Variants in CCDC138 observed in about 807,000 individuals in gnomAD.
CCDC138 encodes the protein coiled-coil domain-containing protein 138.
CCDC138 carries 66 observed loss-of-function variants against 82.3 expected under a neutral mutation model. The observed-to-expected ratio is 0.80, with a 90% CI of 0.66 to 0.98. The LOEUF (loss-of-function observed/expected upper bound fraction) is 0.98. Ranked by LOEUF, CCDC138 falls within the 50% of genes least tolerant of loss-of-function variation. The probability of loss-of-function intolerance (pLI) is 0.00; values close to 1 mark genes in which losing one functional copy is unlikely to be tolerated. For synonymous variants in CCDC138, 297 were observed against 265.4 expected (o/e 1.12, Z -1.16); for missense variants, 816 against 758.9 (o/e 1.08, Z -0.88).
intron 10 of CCDC138, among the ~76,000 whole-genome samples, chr2:108,823,289 G>T (rs1686012648): frequency 6.6e-6 from 1 of 152,170 alleles, no homozygotes; most frequent in African/African-American, 2.4e-5. Flanking sequence ...CACTTACTCT[G>T]TGGGGCCTAC....
chr2:108,799,810 C>T (rs1573958420), intron 6 of CCDC138, among the ~76,000 whole-genome samples: 1 of 152,118 alleles, frequency 6.6e-6, no homozygotes. Context: ...CTTTTTTTCC[C>T]ATTATTTTCT....
At chr2:108,811,051 C>T (rs1683722334) in intron 7 of CCDC138, among the ~76,000 whole-genome samples, 1 of 151,528 alleles carries the variant, frequency 6.6e-6, no homozygotes. Flanking sequence ...CTTTTTGTTT[C>T]CGATTTTTCC....
intron 7 of CCDC138, among the ~76,000 whole-genome samples, chr2:108,808,031 T>C (rs1194008299): frequency 6.6e-6 from 1 of 152,190 alleles, no homozygotes; most frequent in South Asian, 2.1e-4. Context: ...TCAACTTGTT[T>C]TTTAGCTTCC....
chr2:108,867,123 A>G (rs1319037059), intron 13 of CCDC138, among the ~76,000 whole-genome samples: 1 of 152,088 alleles, frequency 6.6e-6, no homozygotes, highest in African/African-American at 2.4e-5. Flanking sequence ...GTTTTTATAT[A>G]TATGTATAAT....
intron 10 of CCDC138, among the ~76,000 whole-genome samples, chr2:108,831,326 A>G (rs1488266532): frequency 6.6e-6 from 1 of 152,218 alleles, no homozygotes; most frequent in African/African-American, 2.4e-5. Flanking sequence ...ACAGTTCCCT[A>G]CTACTGCCAC....
At chr2:108,853,145 A>C (rs1251041164) in intron 12 of CCDC138, among the ~76,000 whole-genome samples, 3 of 152,246 alleles carry the variant, frequency 2.0e-5, no homozygotes, top group African/African-American at 7.2e-5. Context: ...TGATAGACCC[A>C]CAATCGGAAT....
At chr2:108,841,464 G>T (rs960974611) in intron 11 of CCDC138, among the ~76,000 whole-genome samples, 3 of 151,916 alleles carry the variant, frequency 2.0e-5, no homozygotes, top group African/African-American at 7.3e-5. Flanking sequence ...ATTATGTCTT[G>T]GTGGATTTGC....
In CCDC138 at chr2:108,799,736, G is replaced by T. The variant is rs1156971816; in HGVS notation, c.735+1150G>T. On this transcript the variant is annotated intron_variant, in intron 6 of 14. Transcript: ENST00000295124. ...AAATATTTTTTCCACTTTCTTTCTTGTCTTCTCTTGGATCTCCAGTGACTC... is the reference window on the plus strand; with the variant it reads ...AAATATTTTTTCCACTTTCTTTCTTTTCTTCTCTTGGATCTCCAGTGACTC... Among the ~76,000 whole-genome samples, 4 of 152,048 alleles carry T rather than the reference G, an allele frequency of 2.6e-5. No individual in the cohort carries two copies. In the East Asian group the frequency reaches 7.7e-4, roughly 29 times the overall value.
At chr2:108,812,522 G>C (rs1045807827) in intron 7 of CCDC138, 109 bp from the exon 8 acceptor site, 5 of 760,706 alleles carry the variant, frequency 6.6e-6, no homozygotes, top group African/African-American at 1.7e-5. Flanking sequence ...TCTCTGTTTT[G>C]TTACATTGGT....
intron 10 of CCDC138, among the ~76,000 whole-genome samples, chr2:108,835,381 G>C (rs1247571456): frequency 1.3e-5 from 2 of 152,128 alleles, no homozygotes; most frequent in Non-Finnish European, 2.9e-5. Context: ...TCATTGCCAT[G>C]TGTTAGGGCC....
chr2:108,835,387 G>A (rs1688404646), intron 10 of CCDC138, among the ~76,000 whole-genome samples: 1 of 152,126 alleles, frequency 6.6e-6, no homozygotes, highest in Admixed American at 6.5e-5. Context: ...CCATGTGTTA[G>A]GGCCAGTAAG....
chr2:108,882,942 A>G (rs1696332535), intron 2 of CCDC138: 1 of 151,926 alleles, frequency 6.6e-6, no homozygotes, highest in East Asian at 1.9e-4. Flanking sequence ...GAGCATCGAG[A>G]TTAAAGGGTG....
downstream of CCDC138, among the ~76,000 whole-genome samples, chr2:108,880,216 A>AAAAC (rs1696252567): frequency 7.6e-4 from 3 of 3,964 alleles, no homozygotes; most frequent in African/African-American, 5.3e-3. Flanking sequence ...ACAACAAACA[A>AAAAC]AAACAAACAA....
intron 10 of CCDC138, among the ~76,000 whole-genome samples, chr2:108,827,261 A>C (rs1362330066): frequency 6.6e-6 from 1 of 152,224 alleles, no homozygotes; most frequent in Non-Finnish European, 1.5e-5. Context: ...ATTTCAGTAA[A>C]GTATCCAGTT....
At chr2:108,841,662 C>T (rs2177859) in intron 11 of CCDC138, among the ~76,000 whole-genome samples, 132,221 of 152,120 alleles carry the variant, frequency 0.87, 57,864 homozygotes, top group East Asian at 1. Context: ...AAATAGCATA[C>T]AGCTGCATTT....
At chr2:108,809,486 GTGA>G (rs1683431709) in intron 7 of CCDC138, among the ~76,000 whole-genome samples, 1 of 148,834 alleles carries the variant, frequency 6.7e-6, no homozygotes, top group Non-Finnish European at 1.5e-5. Flanking sequence ...GTGTGTGTGT[GTGA>G]TCTTCAGTTT....
At chr2:108,876,616 T>C (rs1183916732), downstream of CCDC138, 3 of 155,310 alleles carry the variant, frequency 1.9e-5, no homozygotes, top group South Asian at 2.0e-4. Flanking sequence ...TTTCCTAATA[T>C]ATTAGAATCC....
chr2:108,873,281 A>T, intron 13 of CCDC138, 170 bp from the exon 14 acceptor site: 1 of 221,850 alleles, frequency 4.5e-6, no homozygotes, highest in Non-Finnish European at 6.7e-6. Flanking sequence ...GAGCCAGTGG[A>T]TGTTTTAATT....
intron 10 of CCDC138, among the ~76,000 whole-genome samples, chr2:108,817,229 AC>A (rs1043465243): frequency 2.1e-4 from 32 of 151,992 alleles, no homozygotes; most frequent in Admixed American, 2.0e-3. Flanking sequence ...CAGAGACTCA[AC>A]CCCCTCTTGC....
Sources: gnomAD v4.1 joint callset for allele counts (sites outside exome capture counted in the v4.1 genomes callset) on GRCh38, gnomAD v4.1.1 for gene constraint, MANE v1.5 for transcripts, NCBI Gene and HGNC (gene_info 2026-07-23, HGNC 2026-07-21) for gene names.